ANKRD44: variants seen among roughly 807,000 people sequenced by gnomAD.
ANKRD44 encodes serine/threonine-protein phosphatase 6 regulatory ankyrin repeat subunit B.
A neutral mutation model predicts 116.0 loss-of-function variants in ANKRD44; 35 were observed. That is an observed-to-expected ratio of 0.30 (90% CI 0.23 to 0.40). The LOEUF (loss-of-function observed/expected upper bound fraction) is 0.40, where lower values mean the gene tolerates loss of function less well. Among genes scored for constraint, ANKRD44 ranks in the 10% least tolerant of loss-of-function variants. The pLI is 1.00. For missense variants in ANKRD44, 1,014 were observed against 1,242.6 expected (o/e 0.82, Z 2.77); for synonymous variants, 435 against 461.8 (o/e 0.94, Z 0.74).
chr2:197,195,628 C>T (rs2080930938), intron 1 of ANKRD44, among the ~76,000 whole-genome samples: 1 of 152,208 alleles, frequency 6.6e-6, no homozygotes. Context: ...AATCCCTTGC[C>T]TCCGAAACAC....
At chr2:197,113,881 T>G (rs2078648564) in intron 8 of ANKRD44, among the ~76,000 whole-genome samples, 1 of 152,180 alleles carries the variant, frequency 6.6e-6, no homozygotes, top group African/African-American at 2.4e-5. Flanking sequence ...CTGATATTTT[T>G]TTCTTCACAT....
intron 25 of ANKRD44, among the ~76,000 whole-genome samples, chr2:196,997,580 G>A (rs1199241140): frequency 1.3e-5 from 2 of 151,440 alleles, no homozygotes; most frequent in Admixed American, 1.3e-4. Flanking sequence ...CTCCTGAATA[G>A]CTGGGATTAC....
At chr2:197,242,783 C>T (rs1333907905) in intron 1 of ANKRD44, among the ~76,000 whole-genome samples, 1 of 152,132 alleles carries the variant, frequency 6.6e-6, no homozygotes, top group Non-Finnish European at 1.5e-5. Flanking sequence ...TTTACCTGGG[C>T]CTCAACACTC....
At chr2:197,186,958 G>A (rs538106566) in intron 2 of ANKRD44, 65 bp downstream of exon 2, 2 of 1,363,118 alleles carry the variant, frequency 1.5e-6, no homozygotes, top group Non-Finnish European at 1.0e-6. Context: ...GTATATAAAA[G>A]GTTAAGAGTC....
chr2:197,011,240 A>G (rs1251881533), intron 18 of ANKRD44, among the ~76,000 whole-genome samples: 1 of 152,228 alleles, frequency 6.6e-6, no homozygotes, highest in African/African-American at 2.4e-5. Flanking sequence ...GAAAAACAGC[A>G]TATTTTGACT....
intron 9 of ANKRD44, among the ~76,000 whole-genome samples, chr2:197,110,184 C>G (rs1250236668): frequency 6.6e-6 from 1 of 152,102 alleles, no homozygotes; most frequent in Admixed American, 6.6e-5. Flanking sequence ...ACCATGTTGG[C>G]CAGGCTGGTC....
At chr2:197,053,007 C>G (rs1016016124) in intron 16 of ANKRD44, among the ~76,000 whole-genome samples, 3 of 152,026 alleles carry the variant, frequency 2.0e-5, no homozygotes, top group Non-Finnish European at 4.4e-5. Context: ...CCCACCTCTA[C>G]TAAAAATACA....
chr2:197,199,496 AC>A (rs1197053201), intron 1 of ANKRD44, among the ~76,000 whole-genome samples: 6 of 152,146 alleles, frequency 3.9e-5, no homozygotes, highest in Non-Finnish European at 8.8e-5. Flanking sequence ...AAACTTAATA[AC>A]CTTTCCTACC....
chr2:197,283,911 T>C (rs139381648), intron 1 of ANKRD44, among the ~76,000 whole-genome samples: 2 of 152,274 alleles, frequency 1.3e-5, no homozygotes, highest in African/African-American at 4.8e-5. Context: ...TGCATTATTT[T>C]AAAGAATAGC....
chr2:197,240,422 A>C (rs2082067946), intron 1 of ANKRD44, among the ~76,000 whole-genome samples: 2 of 151,976 alleles, frequency 1.3e-5, no homozygotes, highest in Admixed American at 1.3e-4. Flanking sequence ...TTTTAAAAAA[A>C]ACAAAAAGTT....
At chr2:197,125,712 G>T in intron 5 of ANKRD44, 125 bp downstream of exon 5, 1 of 1,129,522 alleles carries the variant, frequency 8.9e-7, no homozygotes, top group Non-Finnish European at 1.3e-6. Flanking sequence ...TGATATAGAT[G>T]CTGAAGGTTT....
chr2:197,103,336 CAT>C (rs1188084036), intron 9 of ANKRD44, among the ~76,000 whole-genome samples: 13 of 151,760 alleles, frequency 8.6e-5, no homozygotes, highest in Admixed American at 3.3e-4. Context: ...GAAATTGACA[CAT>C]GTTTTCTATA....
chr2:197,174,587 T>C (rs2080319875), intron 2 of ANKRD44, among the ~76,000 whole-genome samples: 1 of 152,200 alleles, frequency 6.6e-6, no homozygotes, highest in South Asian at 2.1e-4. Context: ...AAGACAAGGA[T>C]AAAACTTCAG....
At chr2:197,035,079 TAGA>T (rs1472345344) in intron 16 of ANKRD44, among the ~76,000 whole-genome samples, 11 of 152,296 alleles carry the variant, frequency 7.2e-5, no homozygotes, top group African/African-American at 2.6e-4. Flanking sequence ...GCAAAGGCAA[TAGA>T]AGGTTAAATT....
chr2:197,118,041 G>A (rs1296537932), intron 8 of ANKRD44, among the ~76,000 whole-genome samples: 2 of 149,126 alleles, frequency 1.3e-5, no homozygotes, highest in East Asian at 2.0e-4. Flanking sequence ...GCAAAACCCC[G>A]TCTCTACAAA....
intron 16 of ANKRD44, among the ~76,000 whole-genome samples, chr2:197,066,852 T>C (rs895284221): frequency 1.3e-5 from 2 of 152,138 alleles, no homozygotes; most frequent in Non-Finnish European, 2.9e-5. Flanking sequence ...AAAATGGCCA[T>C]AATGCCCAAG....
chr2:197,113,535 A>G (rs2125288791), intron 8 of ANKRD44, among the ~76,000 whole-genome samples: 1 of 152,368 alleles, frequency 6.6e-6, no homozygotes, highest in African/African-American at 2.4e-5. Flanking sequence ...ATATTCAGCT[A>G]AGCAATTTTC....
intron 2 of ANKRD44, among the ~76,000 whole-genome samples, chr2:197,164,096 G>A (rs1041795584): frequency 6.6e-6 from 1 of 152,236 alleles, no homozygotes; most frequent in East Asian, 1.9e-4. Context: ...AAGAGGCTGC[G>A]GTGTGCTGCA....
intron 1 of ANKRD44, among the ~76,000 whole-genome samples, chr2:197,248,618 G>T (rs1269344269): frequency 4.0e-5 from 6 of 148,362 alleles, no homozygotes; most frequent in African/African-American, 1.0e-4. Flanking sequence ...AGAGAGAGGA[G>T]AAAGACATAG....
Sources: allele counts gnomAD v4.1 joint callset (sites outside exome capture counted in the v4.1 genomes callset), GRCh38; gene constraint gnomAD v4.1.1; transcripts MANE v1.5; gene names NCBI Gene and HGNC (gene_info 2026-07-23, HGNC 2026-07-21).